CCDC7: variants seen among roughly 807,000 people sequenced by gnomAD.
CCDC7 encodes the protein coiled-coil domain-containing protein 7.
Under a neutral mutation model 196.9 loss-of-function variants are expected in CCDC7, and 183 were observed. The observed-to-expected ratio is 0.93, with a 90% CI of 0.82 to 1.05. CCDC7 has a LOEUF of 1.05. Among genes scored for constraint, CCDC7 ranks in the 50% least tolerant of loss-of-function variants. The pLI is 0.00. For synonymous variants in CCDC7, 525 were observed against 484.6 expected (o/e 1.08, Z -1.10); for missense variants, 1,540 against 1,482.2 (o/e 1.04, Z -0.64).
At chr10:32,648,468 TATGC>T (rs2068151178) in intron 20 of CCDC7, among the ~76,000 whole-genome samples, 1 of 152,206 alleles carries the variant, frequency 6.6e-6, no homozygotes, top group Admixed American at 6.5e-5. Context: ...GCAACAAACA[TATGC>T]ATGCATGTAT....
chr10:32,683,970 C>T (rs1392433522), intron 21 of CCDC7, among the ~76,000 whole-genome samples: 2 of 152,268 alleles, frequency 1.3e-5, no homozygotes, highest in East Asian at 3.9e-4. Context: ...TCTCTCTATC[C>T]TCAGGGCAAT....
intron 8 of CCDC7, among the ~76,000 whole-genome samples, chr10:32,482,443 A>G (rs897245728): frequency 6.6e-6 from 1 of 151,840 alleles, no homozygotes; most frequent in African/African-American, 2.4e-5. Flanking sequence ...TACAGTGGAC[A>G]TATTTTTTAC....
At chr10:32,724,755 A>G (rs975120234) in intron 25 of CCDC7, among the ~76,000 whole-genome samples, 4 of 151,872 alleles carry the variant, frequency 2.6e-5, no homozygotes, top group Non-Finnish European at 4.4e-5. Flanking sequence ...CGAGCTCTCT[A>G]CTCCCTCACA....
At chr10:32,830,341 T>TA (rs2092032466) in intron 32 of CCDC7, among the ~76,000 whole-genome samples, 1 of 150,108 alleles carries the variant, frequency 6.7e-6, no homozygotes, top group Non-Finnish European at 1.5e-5. Flanking sequence ...GGAGGTTTGC[T>TA]ATCTAAAAAG....
chr10:32,648,455 G>A (rs2068149621), intron 20 of CCDC7, among the ~76,000 whole-genome samples: 1 of 152,060 alleles, frequency 6.6e-6, no homozygotes, highest in African/African-American at 2.4e-5. Flanking sequence ...AGTAAATAGT[G>A]CTGCAACAAA....
intron 28 of CCDC7, among the ~76,000 whole-genome samples, chr10:32,777,968 T>C (rs2080382500): frequency 6.6e-6 from 1 of 152,244 alleles, no homozygotes; most frequent in Non-Finnish European, 1.5e-5. Context: ...TTTTCATATG[T>C]TTCTTGGCCA....
Position 32,734,922 on chromosome 10 carries a change from A to C in CCDC7, c.2905+5465A>C, listed in dbSNP as rs117020400. ...CCAAAAAACAAATAAAATTAAATAA[A>C]ATAAGTTAAAATAAAATAAAATAAA... On this transcript the variant is annotated intron_variant, in intron 28 of 41. Coordinates refer to ENST00000639629, the Ensembl canonical transcript of CCDC7. Among the ~76,000 whole-genome samples, 1,204 of 151,786 alleles carry C rather than the reference A, an allele frequency of 7.9e-3. 7 individuals carry two copies. The highest frequency in any genetic ancestry group is 0.02 in the Middle Eastern group (6 of 294).
At chr10:32,691,036 G>T (rs2077020243) in intron 23 of CCDC7, among the ~76,000 whole-genome samples, 1 of 152,144 alleles carries the variant, frequency 6.6e-6, no homozygotes, top group African/African-American at 2.4e-5. Context: ...TATCCTAATG[G>T]CCCTAGAAAT....
intron 20 of CCDC7, among the ~76,000 whole-genome samples, chr10:32,639,066 C>T (rs920134729): frequency 9.9e-5 from 15 of 152,092 alleles, no homozygotes; most frequent in Admixed American, 3.9e-4. Flanking sequence ...TCTGTGGGAT[C>T]GCTGGTGATG....
intron 8 of CCDC7, 59 bp downstream of exon 9, chr10:32,474,082 AT>A (rs750759638): frequency 6.5e-7 from 1 of 1,547,816 alleles, no homozygotes; most frequent in Non-Finnish European, 8.8e-7. Context: ...ATTAATTTCT[AT>A]AAAGTAATAA....
chr10:32,730,893 G>A (rs1023512348), intron 28 of CCDC7, among the ~76,000 whole-genome samples: 1 of 151,958 alleles, frequency 6.6e-6, no homozygotes, highest in African/African-American at 2.4e-5. Context: ...AATTACATTA[G>A]TTAAATTTTA....
At chr10:32,695,027 T>A (rs776013584) in intron 24 of CCDC7, 35 bp downstream of exon 25, 1 of 1,175,316 alleles carries the variant, frequency 8.5e-7, no homozygotes, top group Non-Finnish European at 1.2e-6. Context: ...TTAAAAATTT[T>A]AAAGTTAATC....
At chr10:32,855,079 C>T (rs528781520) in intron 41 of CCDC7, among the ~76,000 whole-genome samples, 3 of 152,212 alleles carry the variant, frequency 2.0e-5, no homozygotes, top group East Asian at 1.9e-4. Flanking sequence ...CTAGACTTTT[C>T]ATGCATTGGA....
intron 32 of CCDC7, among the ~76,000 whole-genome samples, chr10:32,831,110 A>G (rs143259643): frequency 8.1e-4 from 123 of 152,286 alleles, no homozygotes; most frequent in African/African-American, 2.7e-3. Flanking sequence ...TGTATAGCCT[A>G]TTGCTCCTAG....
intron 24 of CCDC7, among the ~76,000 whole-genome samples, chr10:32,699,242 C>A (rs1396600409): frequency 7.7e-6 from 1 of 129,870 alleles, no homozygotes. Context: ...TGTGATGTTC[C>A]CCTTCCTGTG....
intron 28 of CCDC7, among the ~76,000 whole-genome samples, chr10:32,768,822 T>G (rs1016696170): frequency 2.6e-5 from 4 of 152,208 alleles, no homozygotes; most frequent in Non-Finnish European, 5.9e-5. Flanking sequence ...TAACATTTAT[T>G]TATTTGCATA....
intron 20 of CCDC7, among the ~76,000 whole-genome samples, chr10:32,657,990 C>T (rs2070343762): frequency 6.6e-6 from 1 of 152,176 alleles, no homozygotes; most frequent in African/African-American, 2.4e-5. Flanking sequence ...CACCTTTATT[C>T]CAGTTCCGAA....
intron 41 of CCDC7, among the ~76,000 whole-genome samples, chr10:32,871,404 T>C (rs1427925281): frequency 3.9e-5 from 6 of 152,140 alleles, no homozygotes; most frequent in Non-Finnish European, 7.3e-5. Context: ...GTTTATAGTA[T>C]TCTCTGATGG....
intron 29 of CCDC7, among the ~76,000 whole-genome samples, chr10:32,801,727 G>T (rs1418807259): frequency 6.6e-6 from 1 of 152,150 alleles, no homozygotes; most frequent in African/African-American, 2.4e-5. Context: ...GCATTGTCTT[G>T]CCTGGCACCT....
Sources: allele counts gnomAD v4.1 joint callset (sites outside exome capture counted in the v4.1 genomes callset), GRCh38; gene constraint gnomAD v4.1.1; transcripts MANE v1.5; gene names NCBI Gene and HGNC (gene_info 2026-07-23, HGNC 2026-07-21).